RANBP9: variants seen among roughly 807,000 people sequenced by gnomAD.
RANBP9 encodes the protein ran-binding protein 9.
A neutral mutation model predicts 84.3 loss-of-function variants in RANBP9; 15 were observed. The observed-to-expected ratio is 0.18, with a 90% CI of 0.12 to 0.27. The LOEUF (loss-of-function observed/expected upper bound fraction) is 0.27. Among genes scored for constraint, RANBP9 ranks in the 10% least tolerant of loss-of-function variants. The pLI, the probability that RANBP9 is intolerant of heterozygous loss-of-function variation, is 1.00. For missense variants in RANBP9, 809 were observed against 912.8 expected, an observed-to-expected ratio of 0.89 and a Z score of 1.46; for synonymous variants, 392 against 349.6, an observed-to-expected ratio of 1.12 and a Z score of -1.35.
At chr6:13,659,247 C>A (rs1765483554) in intron 2 of RANBP9, among the ~76,000 whole-genome samples, 1 of 114,328 alleles carries the variant, frequency 8.7e-6, no homozygotes, top group Admixed American at 1.0e-4. Flanking sequence ...AGACCCCACA[C>A]ACACACACAT....
intron 4 of RANBP9, among the ~76,000 whole-genome samples, chr6:13,653,838 G>GGAA (rs1428835416): frequency 6.6e-6 from 1 of 151,942 alleles, no homozygotes; most frequent in Non-Finnish European, 1.5e-5. Context: ...AGCAAAGTTA[G>GGAA]GGTTCCTGTT....
At chr6:13,672,667 G>A (rs1458952824) in intron 2 of RANBP9, among the ~76,000 whole-genome samples, 1 of 151,980 alleles carries the variant, frequency 6.6e-6, no homozygotes, top group East Asian at 1.9e-4. Context: ...GCAAGGAAAA[G>A]GTCTGAAGAG....
intron 2 of RANBP9, among the ~76,000 whole-genome samples, chr6:13,671,671 AC>A (rs1342964609): frequency 6.6e-6 from 1 of 152,180 alleles, no homozygotes; most frequent in Non-Finnish European, 1.5e-5. Context: ...TTTTCAGGTG[AC>A]AAAAATGTTT....
Position 13,625,647 on chromosome 6 carries a change from A to G in RANBP9, c.2059+6T>C, listed in dbSNP as rs1410509079. On this transcript the variant is annotated splice_donor_region_variant and intron_variant, in intron 13 of 13. Coordinates refer to ENST00000011619, the MANE Select transcript of RANBP9 (RefSeq NM_005493.3). ...CTGAAATTGTGCCTTATTTGGCTTT[A>G]CTTACCTAATATTGCACTGTTAAGA... 3.8e-6 allele frequency: 6 copies of G among 1,582,090 alleles called. No individual in the cohort carries two copies. Among genetic ancestry groups the G allele is most frequent in the Admixed American group, 1.7e-5 (1 of 59,864 alleles).
chr6:13,680,708 A>T (rs1766014784), intron 2 of RANBP9, among the ~76,000 whole-genome samples: 1 of 151,686 alleles, frequency 6.6e-6, no homozygotes. Context: ...GTGAGCCATG[A>T]TTGTGCCACA....
rs920172535 is a variant in RANBP9 at position 13,643,058 on chromosome 6, C to T, written c.1113-467G>A. Among the ~76,000 whole-genome samples the T allele has an allele frequency of 3.3e-5, 5 of 152,150 alleles. No individual in the cohort carries two copies. The East Asian group carries it at 5.8e-4, about 18-fold the overall frequency. On this transcript the variant is annotated intron_variant, in intron 6 of 13. Coordinates refer to ENST00000011619, the MANE Select transcript of RANBP9 (RefSeq NM_005493.3). Reference sequence around the variant, plus strand: ...GAGTTCAACCATCTTCTTTACACACCGGTTAAATGAAGTGGGATCACAAAG... The same window carrying T: ...GAGTTCAACCATCTTCTTTACACACTGGTTAAATGAAGTGGGATCACAAAG...
Position 13,622,391 on chromosome 6 carries a change from A to C in RANBP9, c.2161T>G (p.Phe721Val). The C allele has an allele frequency of 6.3e-7, 1 of 1,598,076 alleles. No individual in the cohort carries two copies. Among genetic ancestry groups the C allele is most frequent in the Admixed American group, 1.7e-5 (1 of 57,326 alleles). ...TGTAGGTAGTCTTCCACTGTGGCAA[A>C]TGCGCAGGATCCAATTCCTGATCGA... is the stretch of plus-strand genomic sequence containing the variant. ...MARSGIGSCA[F>V]ATVEDYLH is the part of the protein sequence containing the mutation. The change falls in exon 14 of 14, where the codon TTT becomes GTT. Residue 721 changes from phenylalanine (F) to valine (V), a missense_variant. By Grantham distance (50) the Phe-to-Val change is conservative. This residue lies in a region of RANBP9 where 233 missense variants were observed against 234.4 expected (regional missense o/e 0.99). Transcript: ENST00000011619.
chr6:13,689,351 A>G (rs939544225), intron 2 of RANBP9, among the ~76,000 whole-genome samples: 10 of 149,288 alleles, frequency 6.7e-5, no homozygotes, highest in African/African-American at 9.9e-5. Flanking sequence ...GCTCACTGCA[A>G]CCTTTGTATC....
chr6:13,691,180 A>G (rs989503926), intron 2 of RANBP9, among the ~76,000 whole-genome samples: 5 of 151,726 alleles, frequency 3.3e-5, no homozygotes, highest in African/African-American at 9.7e-5. Context: ...AAAAAAAAAA[A>G]AAGTCATGTA....
chr6:13,664,027 T>C (rs1765591548), intron 2 of RANBP9, among the ~76,000 whole-genome samples: 1 of 151,974 alleles, frequency 6.6e-6, no homozygotes, highest in East Asian at 1.9e-4. Flanking sequence ...ATCCTAGCCA[T>C]TTCAACAAGG....
intron 1 of RANBP9, among the ~76,000 whole-genome samples, chr6:13,707,142 GCCT>G (rs1758149347): frequency 6.6e-6 from 1 of 151,820 alleles, no homozygotes; most frequent in Admixed American, 6.6e-5. Flanking sequence ...TCCTCCCTCA[GCCT>G]CCTAAGTGGC....
chr6:13,632,232 C>G (rs1455778457), intron 12 of RANBP9, 138 bp downstream of exon 12: 3 of 501,780 alleles, frequency 6.0e-6, no homozygotes, highest in Non-Finnish European at 9.1e-6. Context: ...TTTCCACTCT[C>G]AGATGGGCAA....
intron 2 of RANBP9, among the ~76,000 whole-genome samples, chr6:13,684,079 G>GC (rs1766109674): frequency 6.6e-6 from 1 of 152,072 alleles, no homozygotes; most frequent in African/African-American, 2.4e-5. Flanking sequence ...ACTATGCACA[G>GC]CAAGTGCTAG....
chr6:13,649,654 T>C (rs1053572295), intron 5 of RANBP9, among the ~76,000 whole-genome samples: 2 of 152,126 alleles, frequency 1.3e-5, no homozygotes, highest in Admixed American at 1.3e-4. Context: ...TGTCTACCTC[T>C]TTCTATGCGA....
intron 12 of RANBP9, among the ~76,000 whole-genome samples, chr6:13,629,988 C>T (rs1764734617): frequency 6.6e-6 from 1 of 151,142 alleles, no homozygotes; most frequent in African/African-American, 2.4e-5. Flanking sequence ...TTTATGCAAA[C>T]CTAAAAACGA....
intron 4 of RANBP9, among the ~76,000 whole-genome samples, chr6:13,656,646 T>C (rs1184121670): frequency 6.6e-6 from 1 of 152,180 alleles, no homozygotes; most frequent in Non-Finnish European, 1.5e-5. Context: ...AACTTAGCCA[T>C]CTTTGTTAGC....
At chr6:13,704,576 A>C (rs772642502) in intron 1 of RANBP9, among the ~76,000 whole-genome samples, 1 of 151,906 alleles carries the variant, frequency 6.6e-6, no homozygotes, top group Non-Finnish European at 1.5e-5. Flanking sequence ...GGTTGCAGTG[A>C]GCCTAGATCG....
chr6:13,689,004 A>AAAAAAAG lies in RANBP9; in HGVS notation c.683+7780_683+7781insCTTTTTT, dbSNP rs374538732. Among the ~76,000 whole-genome samples, 69 of 108,994 alleles carry AAAAAAAG rather than the reference A, an allele frequency of 6.3e-4. 5 individuals carry two copies. Among genetic ancestry groups the AAAAAAAG allele is most frequent in the Middle Eastern group, 6.0e-3 (1 of 168 alleles). The allele number at this position is 108,994 out of a possible 152,430, so 71.5% of individuals were successfully genotyped here. A position where few individuals can be genotyped will look rare whatever the true frequency, so the allele number is the denominator to read the frequency against. Reference sequence around the variant, plus strand: ...CCACAAAAAAAAAAAAAAAAAAAAAATGCTGGGCATGGTGACGCACACCCA... The same window carrying AAAAAAAG: ...CCACAAAAAAAAAAAAAAAAAAAAAAAAAAAAGTGCTGGGCATGGTGACGCACACCCA... On this transcript the variant is annotated intron_variant, in intron 2 of 13. Coordinates refer to ENST00000011619, the MANE Select transcript of RANBP9 (RefSeq NM_005493.3).
intron 2 of RANBP9, among the ~76,000 whole-genome samples, chr6:13,695,270 C>A (rs1023805268): frequency 1.4e-4 from 22 of 152,098 alleles, no homozygotes; most frequent in Admixed American, 1.4e-3. Context: ...GACCCATCAA[C>A]CAACTATCTG....
Sources: allele counts gnomAD v4.1 joint callset (sites outside exome capture counted in the v4.1 genomes callset), GRCh38; gene constraint gnomAD v4.1.1; regional missense constraint gnomAD v4.1.1; transcripts MANE v1.5; gene names NCBI Gene and HGNC (gene_info 2026-07-23, HGNC 2026-07-21).